Variants in GPRC6A observed in about 807,000 individuals in gnomAD.
GPRC6A encodes the protein G protein-coupled receptor family C group 6 member A.
GPRC6A carries 54 observed loss-of-function variants against 47.0 expected under a neutral mutation model. That is an observed-to-expected ratio of 1.15 (90% CI 0.92 to 1.44). The LOEUF (loss-of-function observed/expected upper bound fraction) is 1.44, where lower values mean the gene tolerates loss of function less well. GPRC6A is among the 40% of genes most tolerant of loss of function. GPRC6A has a pLI of 0.00. For synonymous variants in GPRC6A, 347 were observed against 377.1 expected, an observed-to-expected ratio of 0.92 and a Z score of 0.93; for missense variants, 1,112 against 1,105.5, an observed-to-expected ratio of 1.01 and a Z score of -0.08.
At chr6:116,796,233 A>G (rs1446765640) in intron 4 of GPRC6A, among the ~76,000 whole-genome samples, 1 of 152,148 alleles carries the variant, frequency 6.6e-6, no homozygotes, top group African/African-American at 2.4e-5. Context: ...CTTTGAAAGA[A>G]AGTTTTTATC....
Position 116,827,714 on chromosome 6 carries a change from T to C in GPRC6A, c.194+1106A>G, listed in dbSNP as rs574946143. ...TGCAGTCATTCTTTGTGTGCCAACATAGTGCTCTGAAAATCTTCATTAATT... is the reference window on the plus strand; with the variant it reads ...TGCAGTCATTCTTTGTGTGCCAACACAGTGCTCTGAAAATCTTCATTAATT... On this transcript the variant is annotated intron_variant, in intron 1 of 5. Coordinates refer to ENST00000310357, the MANE Select transcript of GPRC6A (RefSeq NM_148963.4). Among the ~76,000 whole-genome samples, 4 of 152,048 alleles carry C rather than the reference T, an allele frequency of 2.6e-5. 1 individual carries two copies. Among genetic ancestry groups the C allele is most frequent in the African/African-American group, 7.2e-5 (3 of 41,410 alleles).
chr6:116,814,582 A>G (rs1773142181), intron 1 of GPRC6A, among the ~76,000 whole-genome samples: 1 of 152,168 alleles, frequency 6.6e-6, no homozygotes, highest in Non-Finnish European at 1.5e-5. Context: ...GGCAGGGAAC[A>G]TCACACACTG....
At chr6:116,807,511 T>TAAG (rs1562482494) in intron 2 of GPRC6A, among the ~76,000 whole-genome samples, 10 of 152,202 alleles carry the variant, frequency 6.6e-5, no homozygotes, top group African/African-American at 2.2e-4. Context: ...GGATATTATT[T>TAAG]AAATACTTAG....
rs367740558 is a variant in GPRC6A, at chr6:116,792,422, C to A, written c.2501G>T (p.Cys834Phe). ...GILYCTFIPK[C>F]YVIICKQEIN... ...CTCTTGCTTACAAATAATAACATAG[C>A]ATTTGGGGATGAATGTGCAATACAG... The change falls in exon 6 of 6, where the codon TGC becomes TTC. Residue 834 changes from cysteine (C) to phenylalanine (F), a missense_variant. Coordinates refer to ENST00000310357, the MANE Select transcript of GPRC6A (RefSeq NM_148963.4). 4 of 1,613,954 alleles carry A rather than the reference C, an allele frequency of 2.5e-6. No individual in the cohort carries two copies. The African/African-American group carries it at 5.3e-5, about 22-fold the overall frequency.
chr6:116,809,733 T>C, intron 1 of GPRC6A, 116 bp from the exon 2 acceptor site: 1 of 641,686 alleles, frequency 1.6e-6, no homozygotes, highest in Non-Finnish European at 2.7e-6. Flanking sequence ...AGCTTATCTC[T>C]TAAATGATCT....
At chr6:116,815,161 T>A (rs112830604) in intron 1 of GPRC6A, among the ~76,000 whole-genome samples, 3,992 of 152,220 alleles carry the variant, frequency 0.026, 153 homozygotes, top group African/African-American at 0.091. Flanking sequence ...ATTAGGTGGA[T>A]CATCTAGACA....
intron 1 of GPRC6A, 40 bp downstream of exon 1, chr6:116,828,780 C>T (rs752278193): frequency 1.9e-6 from 3 of 1,556,216 alleles, no homozygotes; most frequent in Non-Finnish European, 2.6e-6. Context: ...AGTCTCATGA[C>T]AATCTTGAAA....
At chr6:116,816,947 G>A (rs1315622460) in intron 1 of GPRC6A, among the ~76,000 whole-genome samples, 1 of 152,226 alleles carries the variant, frequency 6.6e-6, no homozygotes, top group Non-Finnish European at 1.5e-5. Flanking sequence ...CAAGGTGGCA[G>A]CGAGGCTGGG....
chr6:116,806,791 C>T lies in GPRC6A; in HGVS notation c.914G>A (p.Trp305Ter). ...INKMWIASDN[W>*]STATKITTIP... ...GGTGGTAATCTTGGTGGCAGTTGACCAATTATCACTAGCAATCCACATCTT... is the reference window on the plus strand; with the variant it reads ...GGTGGTAATCTTGGTGGCAGTTGACTAATTATCACTAGCAATCCACATCTT... Residue 305 changes from tryptophan to a stop codon, truncating the protein, a stop_gained, in exon 3 of 6, where the codon TGG (tryptophan) becomes TAG (stop). Coordinates refer to ENST00000310357, the MANE Select transcript of GPRC6A (RefSeq NM_148963.4). LOFTEE classifies it high-confidence loss of function. 6.2e-7 allele frequency: 1 copy of T among 1,613,336 alleles called. No homozygotes were observed. Among genetic ancestry groups the T allele is most frequent in the Non-Finnish European group, 8.5e-7 (1 of 1,179,674 alleles).
At chr6:116,806,309 CA>C in intron 3 of GPRC6A, 60 bp downstream of exon 3, 1 of 1,052,822 alleles carries the variant, frequency 9.5e-7, no homozygotes, top group Non-Finnish European at 1.4e-6. Context: ...CAAATTAAAA[CA>C]AGGGAGGAAA....
At chr6:116,821,296 A>T (rs1773466711) in intron 1 of GPRC6A, among the ~76,000 whole-genome samples, 1 of 152,140 alleles carries the variant, frequency 6.6e-6, no homozygotes, top group South Asian at 2.1e-4. Context: ...AAGGTAATTT[A>T]CAGATTCAAT....
In GPRC6A at chr6:116,828,153, A is replaced by G. The variant is rs74452257; in HGVS notation, c.194+667T>C. 3.6e-4 allele frequency among the ~76,000 whole-genome samples: 55 copies of G among 152,254 alleles called. 1 individual carries two copies. The East Asian group carries it at 0.011, about 29-fold the overall frequency. On this transcript the variant is annotated intron_variant, in intron 1 of 5. Coordinates refer to ENST00000310357, the MANE Select transcript of GPRC6A (RefSeq NM_148963.4). ...TAAGTTTACAAAATTAGCTTGTCCC[A>G]AAACTGAAATGAGAATTAGAATATC...
rs201038107 is a variant in GPRC6A at position 116,792,370 on chromosome 6, C to G, written c.2553G>C (p.Lys851Asn). ...QEINTKSAFL[K>N]MIYSYSSHSV... is the part of the protein sequence containing the mutation. ...TATGGGAAGAATAACTGTAGATCAT[C>G]TTGAGAAAGGCAGACTTTGTGTTAA... The change falls in exon 6 of 6, where the codon AAG becomes AAC. Residue 851 changes from lysine (K) to asparagine (N), a missense_variant. Physicochemically the swap from Lys to Asn is moderately conservative, Grantham distance 94 (BLOSUM62 0). Coordinates refer to ENST00000310357, the MANE Select transcript of GPRC6A (RefSeq NM_148963.4). 62 of 1,613,848 alleles carry G rather than the reference C, an allele frequency of 3.8e-5. No homozygotes were observed. Among genetic ancestry groups the G allele is most frequent in the Middle Eastern group, 3.3e-4 (2 of 6,078 alleles).
At position 116,796,951 on chromosome 6, in the gene GPRC6A, T is replaced by C. The variant is rs139879236; in HGVS notation, c.1549-1116A>G. Among the ~76,000 whole-genome samples, 62 of 152,298 alleles carry C rather than the reference T, an allele frequency of 4.1e-4. No homozygotes were observed. The East Asian group carries it at 0.012, about 28-fold the overall frequency. ...ACGATGTGCAGGTTAGTTACATATGTATATATGTGCCATGCTGGTGCGCTG... is the reference window on the plus strand; with the variant it reads ...ACGATGTGCAGGTTAGTTACATATGCATATATGTGCCATGCTGGTGCGCTG... On this transcript the variant is annotated intron_variant, in intron 4 of 5. Transcript: ENST00000310357.
At chr6:116,818,709 G>A (rs552600205) in intron 1 of GPRC6A, among the ~76,000 whole-genome samples, 156 of 151,236 alleles carry the variant, frequency 1.0e-3, no homozygotes, top group African/African-American at 2.9e-3. Flanking sequence ...TGAAGGAAGC[G>A]CTAAACATGG....
intron 5 of GPRC6A, among the ~76,000 whole-genome samples, chr6:116,794,419 A>G (rs1250792056): frequency 1.3e-5 from 2 of 152,130 alleles, no homozygotes; most frequent in African/African-American, 2.4e-5. Context: ...TTAGAGAGAT[A>G]GAGAGGAACA....
At position 116,806,776 on chromosome 6, in the gene GPRC6A, T is replaced by G. The variant is rs767614331; in HGVS notation, c.929A>C (p.Lys310Thr). The change falls in exon 3 of 6, where the codon AAG (lysine) becomes ACG (threonine). Residue 310 changes from lysine to threonine, a missense_variant. Coordinates refer to ENST00000310357, the MANE Select transcript of GPRC6A (RefSeq NM_148963.4). ...TTTAACATTAGGAATGGTGGTAATC[T>G]TGGTGGCAGTTGACCAATTATCACT... ...IASDNWSTAT[K>T]ITTIPNVKKI... is the part of the protein sequence containing the mutation. The G allele has an allele frequency of 1.7e-5, 28 of 1,613,608 alleles. No homozygotes were observed. Among genetic ancestry groups the G allele is most frequent in the Non-Finnish European group, 2.2e-5 (26 of 1,179,796 alleles).
At chr6:116,794,143 G>T (rs1772403422) in intron 5 of GPRC6A, among the ~76,000 whole-genome samples, 1 of 152,066 alleles carries the variant, frequency 6.6e-6, no homozygotes, top group Non-Finnish European at 1.5e-5. Flanking sequence ...CAATCAAAGG[G>T]CCTCTGTCAG....
intron 2 of GPRC6A, among the ~76,000 whole-genome samples, chr6:116,807,812 C>T (rs1184289921): frequency 6.6e-6 from 1 of 152,110 alleles, no homozygotes; most frequent in East Asian, 1.9e-4. Context: ...CACATTTGGT[C>T]CGCAGGCTGT....
Sources: allele counts gnomAD v4.1 joint callset (sites outside exome capture counted in the v4.1 genomes callset), GRCh38; gene constraint gnomAD v4.1.1; transcripts MANE v1.5; gene names NCBI Gene and HGNC (gene_info 2026-07-23, HGNC 2026-07-21).